ATP10A: variants seen among roughly 807,000 people sequenced by gnomAD.
The protein encoded by ATP10A is ATPase phospholipid transporting 10A (putative).
Under a neutral mutation model 147.8 loss-of-function variants are expected in ATP10A, and 111 were observed. The ratio of observed to expected loss-of-function variants is 0.75; its 90% CI spans 0.64 to 0.88. The LOEUF is 0.88. Ranked by LOEUF, ATP10A falls within the 40% of genes least tolerant of loss-of-function variation. The pLI is 0.00. For missense variants in ATP10A, 1,927 were observed against 1,959.0 expected, an observed-to-expected ratio of 0.98 and a Z score of 0.31; for synonymous variants, 875 against 841.6, an observed-to-expected ratio of 1.04 and a Z score of -0.69.
chr15:25,743,127 T>C (rs1263481454), intron 2 of ATP10A, among the ~76,000 whole-genome samples: 4 of 152,134 alleles, frequency 2.6e-5, no homozygotes, highest in Admixed American at 1.3e-4. Context: ...AAGGCAGAGT[T>C]CCATGGACCA....
chr15:25,782,388 CTT>C (rs1296027593), intron 1 of ATP10A, among the ~76,000 whole-genome samples: 3 of 152,050 alleles, frequency 2.0e-5, no homozygotes, highest in African/African-American at 7.2e-5. Context: ...GAATGGTACA[CTT>C]AAAAATAGTT....
chr15:25,744,206 C>T (rs752843922), intron 2 of ATP10A, among the ~76,000 whole-genome samples: 42 of 152,134 alleles, frequency 2.8e-4, no homozygotes, highest in Admixed American at 4.6e-4. Flanking sequence ...GCAGCTGCTA[C>T]CCAGCTTAGA....
chr15:25,825,219 G>A lies in ATP10A; in HGVS notation c.449+37429C>T, dbSNP rs1233542597. Reference sequence around the variant, plus strand: ...GGAAAAGCGTTTTCACTTGACATTTGTCAAATTAGAGGCAGTTGTTTAGAA... The same window carrying A: ...GGAAAAGCGTTTTCACTTGACATTTATCAAATTAGAGGCAGTTGTTTAGAA... On this transcript the variant is annotated intron_variant, in intron 1 of 20. Transcript: ENST00000555815. Among the ~76,000 whole-genome samples, 3 of 152,084 alleles carry A rather than the reference G, an allele frequency of 2.0e-5. No individual in the cohort carries two copies. In the South Asian group the frequency reaches 6.2e-4, roughly 31 times the overall value.
chr15:25,698,576 A>G (rs184243366), intron 13 of ATP10A, among the ~76,000 whole-genome samples: 10 of 152,276 alleles, frequency 6.6e-5, no homozygotes, highest in African/African-American at 2.2e-4. Flanking sequence ...TGGAGAGTCA[A>G]AAGTTATATG....
intron 1 of ATP10A, among the ~76,000 whole-genome samples, chr15:25,838,777 TG>T (rs1233032325): frequency 6.6e-6 from 1 of 152,028 alleles, no homozygotes; most frequent in Non-Finnish European, 1.5e-5. Flanking sequence ...CCTGAGAAAA[TG>T]GGGAAAGGAC....
At chr15:25,728,373 CA>C (rs137879546) in intron 3 of ATP10A, among the ~76,000 whole-genome samples, 13,534 of 152,278 alleles carry the variant, frequency 0.089, 706 homozygotes, top group Non-Finnish European at 0.11. Context: ...AGAGCAGACA[CA>C]GTGGGGCCAC....
chr15:25,767,267 G>A (rs527678836), intron 2 of ATP10A, among the ~76,000 whole-genome samples: 2 of 152,324 alleles, frequency 1.3e-5, no homozygotes, highest in African/African-American at 2.4e-5. Flanking sequence ...GGAGATGGGT[G>A]GACACGCTGT....
At position 25,683,405 on chromosome 15, in the gene ATP10A, A is replaced by G. The variant is rs1402434839; in HGVS notation, c.3373T>C (p.Phe1125Leu). 1.2e-6 allele frequency: 2 copies of G among 1,614,142 alleles called. No homozygotes were observed. Among genetic ancestry groups the G allele is most frequent in the South Asian group, 1.1e-5 (1 of 91,076 alleles). Reference sequence around the variant, plus strand: ...AGTGACGAGAAGAGCAGATTAAAGAAGATTAGATACCACTGGTCAATCATG... The same window carrying G: ...AGTGACGAGAAGAGCAGATTAAAGAGGATTAGATACCACTGGTCAATCATG... ...STMIDQWYLIFFNLLFSSLPP... is the reference protein window; with the variant it reads ...STMIDQWYLILFNLLFSSLPP... The change falls in exon 17 of 21, where the codon TTC (phenylalanine) becomes CTC (leucine). Residue 1125 changes from phenylalanine (F) to leucine (L), a missense_variant. By Grantham distance (22) the Phe-to-Leu change is conservative. Coordinates refer to ENST00000555815, the MANE Select transcript of ATP10A (RefSeq NM_024490.4).
At chr15:25,748,625 C>T (rs1255535387) in intron 2 of ATP10A, among the ~76,000 whole-genome samples, 1 of 151,674 alleles carries the variant, frequency 6.6e-6, no homozygotes, top group East Asian at 1.9e-4. Context: ...TAGAACTGTA[C>T]TGGAGTCCTT....
intron 1 of ATP10A, among the ~76,000 whole-genome samples, chr15:25,813,982 G>C (rs993463074): frequency 6.6e-6 from 1 of 151,940 alleles, no homozygotes; most frequent in African/African-American, 2.4e-5. Context: ...AAGAAATAAT[G>C]ATCAAAATGT....
At chr15:25,796,593 C>A (rs915134187) in intron 1 of ATP10A, among the ~76,000 whole-genome samples, 1 of 152,188 alleles carries the variant, frequency 6.6e-6, no homozygotes, top group Non-Finnish European at 1.5e-5. Context: ...AGCTGCTAGC[C>A]CACCTCACAA....
In ATP10A at chr15:25,863,066, G is replaced by A. The variant is rs1433020732; in HGVS notation, c.31C>T (p.Pro11Ser). Residue 11 changes from proline to serine, a missense_variant, in exon 1 of 21, where the codon CCC becomes TCC. By Grantham distance (74) the Pro-to-Ser change is moderately conservative. Coordinates refer to ENST00000555815, the MANE Select transcript of ATP10A (RefSeq NM_024490.4). ...CGCCTCCGCCGTCCCGGAGGCCCGG[G>A]CTCCTCGGTCCCCGCCGGCTCCCGC... MEREPAGTEE[P>S]GPPGRRRRRE... 8.1e-7 allele frequency: 1 copy of A among 1,239,860 alleles called. No homozygotes were observed. Among genetic ancestry groups the A allele is most frequent in the East Asian group, 3.4e-5 (1 of 29,066 alleles). The allele number at this position is 1,239,860 out of a possible 1,614,324, so 76.8% of individuals were successfully genotyped here. A position where few individuals can be genotyped will look rare whatever the true frequency, so the allele number is the denominator to read the frequency against.
chr15:25,804,311 C>G (rs4556761), intron 1 of ATP10A, among the ~76,000 whole-genome samples: 104,071 of 148,556 alleles, frequency 0.7, 37,955 homozygotes, highest in East Asian at 0.96. Context: ...TCGTGTGTGT[C>G]TAATTGTGCT....
At chr15:25,746,015 A>G (rs974025533) in intron 2 of ATP10A, among the ~76,000 whole-genome samples, 3 of 152,326 alleles carry the variant, frequency 2.0e-5, no homozygotes, top group South Asian at 2.1e-4. Flanking sequence ...TTCACACTCA[A>G]ATATACCAGT....
intron 2 of ATP10A, among the ~76,000 whole-genome samples, chr15:25,742,452 A>G (rs922313574): frequency 3.9e-5 from 6 of 152,234 alleles, no homozygotes; most frequent in Non-Finnish European, 8.8e-5. Flanking sequence ...ATTCTAGTTT[A>G]GAACGCAGGC....
At chr15:25,722,218 A>G (rs553387056) in intron 6 of ATP10A, among the ~76,000 whole-genome samples, 1 of 152,228 alleles carries the variant, frequency 6.6e-6, no homozygotes, top group South Asian at 2.1e-4. Flanking sequence ...CTAGGACAGG[A>G]AAGAGAGAAA....
intron 1 of ATP10A, among the ~76,000 whole-genome samples, chr15:25,815,956 T>C (rs1272487475): frequency 6.6e-6 from 1 of 151,618 alleles, no homozygotes; most frequent in Non-Finnish European, 1.5e-5. Context: ...CTGACAATTG[T>C]GTAGGGTGGA....
intron 2 of ATP10A, among the ~76,000 whole-genome samples, chr15:25,755,719 T>A (rs1337603688): frequency 6.6e-6 from 1 of 152,208 alleles, no homozygotes; most frequent in East Asian, 1.9e-4. Flanking sequence ...AGGAGACTTC[T>A]ACCTAATATG....
chr15:25,803,356 T>C (rs1891025548), intron 1 of ATP10A, among the ~76,000 whole-genome samples: 1 of 152,226 alleles, frequency 6.6e-6, no homozygotes. Flanking sequence ...GTGCTAAGGA[T>C]ACAGTGGGGC....
Sources: allele counts gnomAD v4.1 joint callset (sites outside exome capture counted in the v4.1 genomes callset), GRCh38; gene constraint gnomAD v4.1.1; transcripts MANE v1.5; gene names NCBI Gene and HGNC (gene_info 2026-07-23, HGNC 2026-07-21).